Variants in CSNK1E observed in about 807,000 individuals in gnomAD.
CSNK1E encodes the protein casein kinase 1 epsilon.
Under a neutral mutation model 46.1 loss-of-function variants are expected in CSNK1E, and 17 were observed. That is an observed-to-expected ratio of 0.37 (90% CI 0.25 to 0.55). The LOEUF (loss-of-function observed/expected upper bound fraction) is 0.55. Ranked by LOEUF, CSNK1E falls within the 20% of genes least tolerant of loss-of-function variation. CSNK1E has a pLI of 0.82. For synonymous variants in CSNK1E, 241 were observed against 242.6 expected (o/e 0.99, Z 0.06); for missense variants, 386 against 595.4 (o/e 0.65, Z 3.66).
At chr22:38,296,915 C>G (rs775771203) in intron 7 of CSNK1E, 1 of 612,428 alleles carries the variant, frequency 1.6e-6, no homozygotes, top group East Asian at 2.8e-5. Flanking sequence ...GCTGGGATTA[C>G]AGGAACACAC....
rs2092630451 is a variant in CSNK1E at position 38,294,633 on chromosome 22, G to C, written c.886-99C>G. ...CACAGAAGGGGAGGGAGGCCAGGTG[G>C]ATATCTCAGAAACCTTCTGCTCCAG... On this transcript the variant is annotated intron_variant, in intron 7 of 10. Transcript: ENST00000396832. This position sits in a 1 kb window ranked among gnomAD's most constrained non-coding sequence, Gnocchi z 5.5. 22 of 1,173,776 alleles carry C rather than the reference G, an allele frequency of 1.9e-5. No individual in the cohort carries two copies. The East Asian group carries it at 5.3e-4, about 28-fold the overall frequency. 72.7% of individuals were successfully genotyped at this position (1,173,776 alleles called of 1,614,324 possible). A position where few individuals can be genotyped will look rare whatever the true frequency, so the allele number is the denominator to read the frequency against.
At position 38,303,344 on chromosome 22, in the gene CSNK1E, G is replaced by A. The variant is rs1006601943; in HGVS notation, c.77-96C>T. Reference sequence around the variant, plus strand: ...GCATTTCTGAGATCTGGCGTGTGCCGGGCCCGGGGCCATCTGCCCTTGAGG... The same window carrying A: ...GCATTTCTGAGATCTGGCGTGTGCCAGGCCCGGGGCCATCTGCCCTTGAGG... On this transcript the variant is annotated intron_variant, in intron 2 of 10. Transcript: ENST00000396832. The surrounding 1 kb of genome is among the most constrained non-coding windows in gnomAD (Gnocchi z 4.7). 12 of 1,060,418 alleles carry A rather than the reference G, an allele frequency of 1.1e-5. No homozygotes were observed. The highest frequency in any genetic ancestry group is 7.3e-5 in the Admixed American group (3 of 40,930). 65.7% of individuals were successfully genotyped at this position (1,060,418 alleles called of 1,614,324 possible).
chr22:38,316,011 A>G (rs987080639), intron 1 of CSNK1E, among the ~76,000 whole-genome samples: 1 of 151,944 alleles, frequency 6.6e-6, no homozygotes, highest in Non-Finnish European at 1.5e-5. Context: ...CTGTCCCGGC[A>G]CCAATACCCA....
rs755258544 is a variant in CSNK1E, at chr22:38,294,099, G to A, written c.1218+10C>T. ...TGAGGCCCAGAGGGACTGGCAGGGG[G>A]GCAGCTCACCTGTGAGGCTGGGATC... is the stretch of plus-strand genomic sequence containing the variant. On this transcript the variant is annotated intron_variant, in intron 9 of 10. Transcript: ENST00000396832. This position sits in a 1 kb window ranked among gnomAD's most constrained non-coding sequence, Gnocchi z 5.5. 1.2e-6 allele frequency: 2 copies of A among 1,607,570 alleles called. No homozygotes were observed. Among genetic ancestry groups the A allele is most frequent in the South Asian group, 2.2e-5 (2 of 90,674 alleles).
At chr22:38,313,193 C>T (rs1055398842) in intron 2 of CSNK1E, among the ~76,000 whole-genome samples, 16 of 152,170 alleles carry the variant, frequency 1.1e-4, no homozygotes, top group African/African-American at 3.9e-4. Context: ...GTGTTCTCTG[C>T]ACTGGACAGA....
At chr22:38,302,762 G>T in intron 4 of CSNK1E, 99 bp downstream of exon 4, 2 of 1,428,376 alleles carry the variant, frequency 1.4e-6, no homozygotes, top group Non-Finnish European at 1.9e-6. Context: ...AGGTCCCCTG[G>T]CCCAGGCCCA....
intron 4 of CSNK1E, among the ~76,000 whole-genome samples, chr22:38,301,732 C>T (rs1002454516): frequency 3.3e-5 from 5 of 152,114 alleles, no homozygotes; most frequent in Admixed American, 1.3e-4. Flanking sequence ...CCTTTTCAGT[C>T]GAGTTTTTAA....
intron 1 of CSNK1E, chr22:38,316,790 G>GA (rs1418274169): frequency 1.3e-5 from 2 of 152,100 alleles, no homozygotes; most frequent in African/African-American, 4.8e-5. Context: ...ACGCGGGCCC[G>GA]AATCAACAGT....
chr22:38,303,054 AGC>A lies in CSNK1E; in HGVS notation c.188-47_188-46del. Reference sequence around the variant, plus strand: ...CCTCTGTCAGGGGTCAGAGGCAGGCAGCCAGCCACGCCCGGCCCACCCTGTGC... The same window carrying A: ...CCTCTGTCAGGGGTCAGAGGCAGGCACAGCCACGCCCGGCCCACCCTGTGC... On this transcript the variant is annotated intron_variant, in intron 3 of 10. Transcript: ENST00000396832. This position sits in a 1 kb window ranked among gnomAD's most constrained non-coding sequence, Gnocchi z 4.7. 1 of 1,602,756 alleles carries A rather than the reference AGC, an allele frequency of 6.2e-7. No individual in the cohort carries two copies. Among genetic ancestry groups the A allele is most frequent in the Non-Finnish European group, 8.5e-7 (1 of 1,174,902 alleles).
rs368847078 is a variant in CSNK1E, at chr22:38,298,763, G to A, written c.885+23C>T. The A allele has an allele frequency of 2.2e-5, 36 of 1,613,274 alleles. No individual in the cohort carries two copies. The highest frequency in any genetic ancestry group is 5.3e-5 in the African/African-American group (4 of 74,892). On this transcript the variant is annotated intron_variant, in intron 7 of 10. Transcript: ENST00000396832. This position sits in a 1 kb window ranked among gnomAD's most constrained non-coding sequence, Gnocchi z 4.2. ...CTTCCCCATCCAGTCCCCCAAGCCCGCCTTGGCCTCCAGGTGACTCACGAA... is the reference window on the plus strand; with the variant it reads ...CTTCCCCATCCAGTCCCCCAAGCCCACCTTGGCCTCCAGGTGACTCACGAA...
intron 7 of CSNK1E, chr22:38,297,787 C>T: frequency 1.0e-6 from 1 of 1,000,964 alleles, no homozygotes; most frequent in Non-Finnish European, 1.2e-6. Flanking sequence ...ATGGCCTCCA[C>T]TGTGCTGCCA....
Position 38,314,097 on chromosome 22 carries a change from C to T in CSNK1E, c.61G>A (p.Gly21Arg), listed in dbSNP as rs990406832. 1.9e-6 allele frequency: 3 copies of T among 1,614,008 alleles called. No individual in the cohort carries two copies. The highest frequency in any genetic ancestry group is 2.5e-6 in the Non-Finnish European group (3 of 1,179,940). ...GAACACTTACCCAGGTAGATATCTC[C>T]GAAGGACCCGCTCCCGATCTTCCGT... ...LGRKIGSGSF[G>R]DIYLGANIAS... is the part of the protein sequence containing the mutation. Residue 21 changes from glycine (G) to arginine (R), a missense_variant, in exon 2 of 11, where the codon GGA (glycine) becomes AGA (arginine). Transcript: ENST00000396832.
chr22:38,299,286 T>G (rs1319017287), intron 6 of CSNK1E, among the ~76,000 whole-genome samples: 2 of 152,186 alleles, frequency 1.3e-5, no homozygotes, highest in Non-Finnish European at 2.9e-5. Context: ...TTCAAAGGAC[T>G]GCAAGAGCCT....
chr22:38,297,031 C>T, intron 7 of CSNK1E: 1 of 718,416 alleles, frequency 1.4e-6, no homozygotes. Context: ...TCTATGGCCT[C>T]CCAAAGTGCT....
intron 4 of CSNK1E, 54 bp from the exon 5 acceptor site, chr22:38,301,006 G>A (rs1435575793): frequency 4.8e-6 from 7 of 1,469,188 alleles, no homozygotes; most frequent in Non-Finnish European, 6.7e-6. Flanking sequence ...CTAGCACTCT[G>A]GGCCAGGCAG....
chr22:38,297,042 G>T, intron 7 of CSNK1E: 3 of 729,932 alleles, frequency 4.1e-6, no homozygotes, highest in Non-Finnish European at 5.1e-6. Context: ...CCAAAGTGCT[G>T]GGATTACAGG....
intron 2 of CSNK1E, among the ~76,000 whole-genome samples, chr22:38,308,021 C>T (rs2092705802): frequency 6.6e-6 from 1 of 152,178 alleles, no homozygotes; most frequent in African/African-American, 2.4e-5. Context: ...ACCCTGAAAA[C>T]ACCTGTAGCC....
intron 2 of CSNK1E, among the ~76,000 whole-genome samples, chr22:38,306,363 C>T (rs1435761310): frequency 6.6e-6 from 1 of 152,164 alleles, no homozygotes; most frequent in Non-Finnish European, 1.5e-5. Flanking sequence ...GATAACTCTC[C>T]AATTGAGTCA....
chr22:38,294,276 A>G lies in CSNK1E; in HGVS notation c.1079-28T>C, dbSNP rs1741860632. 1.2e-6 allele frequency: 2 copies of G among 1,604,142 alleles called. No individual in the cohort carries two copies. Among genetic ancestry groups the G allele is most frequent in the Non-Finnish European group, 1.7e-6 (2 of 1,177,704 alleles). ...GGAGGGAGAGTGGGAAGCCACCCTC[A>G]GAGTAGGCACAAACAGAGCCCCCCA... On this transcript the variant is annotated intron_variant, in intron 8 of 10. Coordinates refer to ENST00000396832, the MANE Select transcript of CSNK1E (RefSeq NM_152221.3). The surrounding 1 kb of genome is among the most constrained non-coding windows in gnomAD (Gnocchi z 5.5).
Sources: gnomAD v4.1 joint callset for allele counts (sites outside exome capture counted in the v4.1 genomes callset) on GRCh38, gnomAD v4.1.1 for gene constraint, Gnocchi (gnomAD v3.1) non-coding constraint, MANE v1.5 for transcripts, NCBI Gene and HGNC (gene_info 2026-07-23, HGNC 2026-07-21) for gene names.